Variants in COL5A3 observed in about 807,000 individuals in gnomAD.
COL5A3 encodes the protein collagen alpha-3(V) chain.
Under a neutral mutation model 250.0 loss-of-function variants are expected in COL5A3, and 172 were observed. The observed-to-expected ratio is 0.69, with a 90% CI of 0.61 to 0.78. The LOEUF (loss-of-function observed/expected upper bound fraction) is 0.78, where lower values mean the gene tolerates loss of function less well. Ranked by LOEUF, COL5A3 falls within the 30% of genes least tolerant of loss-of-function variation. COL5A3 has a pLI of 0.00. For missense variants in COL5A3, 2,340 were observed against 2,334.4 expected, an observed-to-expected ratio of 1.00 and a Z score of -0.05; for synonymous variants, 937 against 900.4, an observed-to-expected ratio of 1.04 and a Z score of -0.73.
intron 31 of COL5A3, among the ~76,000 whole-genome samples, chr19:9,983,380 C>T (rs181680118): frequency 4.0e-4 from 60 of 151,850 alleles, no homozygotes; most frequent in Middle Eastern, 3.4e-3. Context: ...ACCTGTTGTT[C>T]CCAGCTACTC....
rs530437179 is a variant in COL5A3 at position 10,003,952 on chromosome 19, G to C, written c.699+89C>G. The C allele has an allele frequency of 1.1e-5, 13 of 1,155,626 alleles. No individual in the cohort carries two copies. In the East Asian group the frequency reaches 3.0e-4, roughly 27 times the overall value. The allele number at this position is 1,155,626 out of a possible 1,614,324, so 71.6% of individuals were successfully genotyped here. A position where few individuals can be genotyped will look rare whatever the true frequency, so the allele number is the denominator to read the frequency against. Reference sequence around the variant, plus strand: ...CGGGTCACTTAACCCCATGTCTGGGGGATGAGAATTCACTCTTTCTAGGGA... The same window carrying C: ...CGGGTCACTTAACCCCATGTCTGGGCGATGAGAATTCACTCTTTCTAGGGA... On this transcript the variant is annotated intron_variant, in intron 5 of 66. Coordinates refer to ENST00000264828, the MANE Select transcript of COL5A3 (RefSeq NM_015719.4).
rs753212666 is a variant in COL5A3 at position 9,979,248 on chromosome 19, G to A, written c.2767-9C>T. On this transcript the variant is annotated splice_polypyrimidine_tract_variant and intron_variant, in intron 38 of 66. Transcript: ENST00000264828. ...ACTTCTCCTGTCTTTCCCTGGTGAGGAAGAAGGCTCCTGTTGAGTGGGGGT... is the reference window on the plus strand; with the variant it reads ...ACTTCTCCTGTCTTTCCCTGGTGAGAAAGAAGGCTCCTGTTGAGTGGGGGT... 1.0e-5 allele frequency: 16 copies of A among 1,606,054 alleles called. No homozygotes were observed. In the South Asian group the frequency reaches 1.4e-4, roughly 14 times the overall value.
chr19:9,993,314 T>C, intron 19 of COL5A3, 66 bp downstream of exon 19: 4 of 1,559,824 alleles, frequency 2.6e-6, no homozygotes, highest in Non-Finnish European at 3.5e-6. Context: ...GATCTTCCTC[T>C]CTGATTCTCA....
In COL5A3 at chr19:9,982,051, C is replaced by G. The variant is rs2287809; in HGVS notation, c.2460+14G>C. ...CAAGTTCTCCCCTCTCCCTTACCCC[C>G]GGTCATGACTCACCGACTTCCCTTT... On this transcript the variant is annotated intron_variant, in intron 32 of 66. Coordinates refer to ENST00000264828, the MANE Select transcript of COL5A3 (RefSeq NM_015719.4). 7 of 1,605,664 alleles carry G rather than the reference C, an allele frequency of 4.4e-6. No homozygotes were observed. In the South Asian group the frequency reaches 5.5e-5, roughly 13 times the overall value.
At chr19:9,986,650 G>A (rs371587730) in intron 28 of COL5A3, 44 bp from the exon 29 acceptor site, 1 of 1,613,538 alleles carries the variant, frequency 6.2e-7, no homozygotes, top group African/African-American at 1.3e-5. Flanking sequence ...CCTCGGGGAA[G>A]GGACACAACC....
In COL5A3 at chr19:9,960,240, C is replaced by T; in HGVS notation, c.*171G>A. ...GGCTGGACCCTTGGGCCAGGGAACCCCAGCCCCCAGCACCCTGGAAAGGAG... is the reference window on the plus strand; with the variant it reads ...GGCTGGACCCTTGGGCCAGGGAACCTCAGCCCCCAGCACCCTGGAAAGGAG... On this transcript the variant is annotated 3_prime_UTR_variant, in exon 67 of 67. Coordinates refer to ENST00000264828, the MANE Select transcript of COL5A3 (RefSeq NM_015719.4). 1.2e-6 allele frequency: 1 copy of T among 824,254 alleles called. No individual in the cohort carries two copies. Among genetic ancestry groups the T allele is most frequent in the South Asian group, 1.8e-5 (1 of 56,472 alleles). 51.1% of individuals were successfully genotyped at this position (824,254 alleles called of 1,614,324 possible).
rs2086750567 is a variant in COL5A3, at chr19:9,966,597, A to G, written c.4608T>C (p.Thr1536=). ...ELEQLRRPPG[T]AERPGLVCHE... Reference sequence around the variant, plus strand: ...GGCACACGAGGCCCGGGCGCTCCGCAGTGCCGGGAGGACGCCGCAGCTGCT... The same window carrying G: ...GGCACACGAGGCCCGGGCGCTCCGCGGTGCCGGGAGGACGCCGCAGCTGCT... Residue 1536 remains threonine (T), a synonymous_variant, in exon 63 of 67, where the codon ACT becomes ACC. Transcript: ENST00000264828. The G allele has an allele frequency of 6.5e-7, 1 of 1,540,628 alleles. No individual in the cohort carries two copies. The highest frequency in any genetic ancestry group is 2.4e-5 in the East Asian group (1 of 40,986).
Position 9,962,830 on chromosome 19 carries a change from G to A in COL5A3, c.4840C>T (p.Arg1614Ter), listed in dbSNP as rs770506606. ...CCTCGGTGACTCACCTTCTTCCCTC[G>A]ACGGAATGTGCTATACCAGCCTCCA... ...KPGGWYSTFRRGKKFSYVDAD... is the reference protein window; with the variant it reads ...KPGGWYSTFR Residue 1614 changes from arginine (R) to a stop codon, truncating the protein, a stop_gained, in exon 65 of 67, where the codon CGA becomes TGA. Transcript: ENST00000264828. LOFTEE classifies it high-confidence loss of function. The A allele has an allele frequency of 2.0e-5, 32 of 1,609,710 alleles. No individual in the cohort carries two copies. The highest frequency in any genetic ancestry group is 2.4e-5 in the Non-Finnish European group (28 of 1,178,002).
At position 9,995,610 on chromosome 19, in the gene COL5A3, CG is replaced by C; in HGVS notation, c.1540del (p.Arg514GlufsTer105). On this transcript the variant is annotated frameshift_variant, in exon 16 of 67. Coordinates refer to ENST00000264828, the MANE Select transcript of COL5A3 (RefSeq NM_015719.4). LOFTEE classifies it high-confidence loss of function. ...EEGAEGPQGPRGLQGPHGPPG... is the reference protein window; with the variant it reads ...EEGAEGPQGPXGLQGPHGPPG... Reference sequence around the variant, plus strand: ...GGGTCCATGAGGTCCCTGCAGGCCTCGGGGACCCTAGAAGAAAGCAAAAAGG... The same window carrying C: ...GGGTCCATGAGGTCCCTGCAGGCCTCGGGACCCTAGAAGAAAGCAAAAAGG... The C allele has an allele frequency of 6.3e-7, 1 of 1,594,802 alleles. No individual in the cohort carries two copies. The highest frequency in any genetic ancestry group is 8.5e-7 in the Non-Finnish European group (1 of 1,170,444).
At chr19:9,972,894 G>T in intron 51 of COL5A3, 25 bp downstream of exon 51, 1 of 1,518,058 alleles carries the variant, frequency 6.6e-7, no homozygotes, top group Non-Finnish European at 8.9e-7. Flanking sequence ...TCCCATGTCT[G>T]CCCCCACTTC....
chr19:10,009,325 C>T lies in COL5A3; in HGVS notation c.88+973G>A, dbSNP rs138944905. On this transcript the variant is annotated intron_variant, in intron 1 of 66. Transcript: ENST00000264828. The surrounding 1 kb of genome is among the most constrained non-coding windows in gnomAD (Gnocchi z 4.4). ...CTACGCCATCCCCTGACTCCCGAAG[C>T]GCCCCCCACTCTGAACCCTGAGGGG... Among the ~76,000 whole-genome samples the T allele has an allele frequency of 3.6e-3, 549 of 152,142 alleles. 2 individuals are homozygous for T. Among genetic ancestry groups the T allele is most frequent in the Non-Finnish European group, 6.3e-3 (426 of 67,978 alleles).
rs1239391770 is a variant in COL5A3, at chr19:9,979,911, A to T, written c.2659-19T>A. 6 of 1,571,180 alleles carry T rather than the reference A, an allele frequency of 3.8e-6. No individual in the cohort carries two copies. The highest frequency in any genetic ancestry group is 4.3e-6 in the Non-Finnish European group (5 of 1,165,672). On this transcript the variant is annotated intron_variant, in intron 36 of 66. Transcript: ENST00000264828. ...GGTGACCCTGGGGGATGAGGTGGGA[A>T]AAAGTTGGGGCACAGATACAGGGCT...
At chr19:9,973,546 G>T in intron 50 of COL5A3, 24 bp downstream of exon 50, 1 of 1,605,348 alleles carries the variant, frequency 6.2e-7, no homozygotes, top group South Asian at 1.1e-5. Context: ...TTGGGTGCAG[G>T]GACCACATCA....
chr19:9,960,370 A>G lies in COL5A3; in HGVS notation c.*41T>C. 5 of 1,612,634 alleles carry G rather than the reference A, an allele frequency of 3.1e-6. No homozygotes were observed. The highest frequency in any genetic ancestry group is 4.2e-6 in the Non-Finnish European group (5 of 1,179,274). ...AAAGCCTCAGCACCAAATGCACCCC[A>G]TTCTGGGGCTCCCTCATGGTCCCTC... is the stretch of plus-strand genomic sequence containing the variant. On this transcript the variant is annotated 3_prime_UTR_variant, in exon 67 of 67. Coordinates refer to ENST00000264828, the MANE Select transcript of COL5A3 (RefSeq NM_015719.4).
intron 1 of COL5A3, among the ~76,000 whole-genome samples, chr19:10,008,039 G>A (rs1443881566): frequency 6.6e-6 from 1 of 151,850 alleles, no homozygotes; most frequent in Non-Finnish European, 1.5e-5. Context: ...TTTGTGGCTA[G>A]GCTGTCATTA....
intron 40 of COL5A3, 39 bp downstream of exon 40, chr19:9,978,852 C>A: frequency 8.3e-7 from 1 of 1,208,094 alleles, no homozygotes; most frequent in Non-Finnish European, 1.1e-6. Flanking sequence ...TCCTTTCCTT[C>A]TCTAAGGGAC....
chr19:9,977,164 C>T (rs1202305168), intron 44 of COL5A3, 65 bp downstream of exon 44: 15 of 1,497,194 alleles, frequency 1.0e-5, no homozygotes, highest in African/African-American at 6.9e-5. Context: ...ATGATCTCTA[C>T]ATCCCTGGCC....
At chr19:9,991,710 A>T in intron 23 of COL5A3, 56 bp from the exon 24 acceptor site, 1 of 1,603,424 alleles carries the variant, frequency 6.2e-7, no homozygotes, top group Non-Finnish European at 8.5e-7. Flanking sequence ...GTGAGTGTGG[A>T]GGTTGGGAAG....
chr19:9,985,809 A>G (rs2087090901), intron 31 of COL5A3, 33 bp downstream of exon 31: 1 of 1,592,328 alleles, frequency 6.3e-7, no homozygotes, highest in Non-Finnish European at 8.6e-7. Context: ...TCCTGCCCAT[A>G]TCCATCTCCA....
Sources: allele counts gnomAD v4.1 joint callset (sites outside exome capture counted in the v4.1 genomes callset), GRCh38; gene constraint gnomAD v4.1.1; non-coding constraint Gnocchi (gnomAD v3.1); transcripts MANE v1.5; gene names NCBI Gene and HGNC (gene_info 2026-07-23, HGNC 2026-07-21).